The following DYSF variants were observed in gnomAD, a reference collection of about 807,000 sequenced individuals.
DYSF encodes the protein dystrophy-associated fer-1-like 1.
DYSF carries 212 observed loss-of-function variants against 274.9 expected under a neutral mutation model. The ratio of observed to expected loss-of-function variants is 0.77; its 90% CI spans 0.69 to 0.86. The LOEUF (loss-of-function observed/expected upper bound fraction) is 0.86, where lower values mean the gene tolerates loss of function less well. Among genes scored for constraint, DYSF ranks in the 40% least tolerant of loss-of-function variants. DYSF has a pLI of 0.00. For missense variants in DYSF, 2,666 were observed against 2,783.2 expected (o/e 0.96, Z 0.95); for synonymous variants, 1,091 against 1,078.7 (o/e 1.01, Z -0.22).
rs752476419 is a variant in DYSF at position 71,660,621 on chromosome 2, T to A, written c.4973T>A (p.Ile1658Asn). The A allele has an allele frequency of 1.9e-6, 3 of 1,613,936 alleles. No individual in the cohort carries two copies. The highest frequency in any genetic ancestry group is 2.5e-6 in the Non-Finnish European group (3 of 1,179,954). The stretch of plus-strand genomic sequence containing the variant: ...TCAGTGAGTGACCAGGATAACTACA[T>A]CCCCTGCACGCTGGAGCCCGTATTT... The part of the protein sequence containing the change: ...KKSVSDQDNY[I>N]PCTLEPVFGK... Residue 1658 changes from isoleucine (I) to asparagine (N), a missense_variant, in exon 45 of 56, where the codon ATC (isoleucine) becomes AAC (asparagine). By Grantham distance (149) the Ile-to-Asn change is moderately radical. Transcript: ENST00000410020.
chr2:71,560,417 G>GCCCCAGCACAGGGCTCCGGACCAGGCCCC (rs56170138), intron 22 of DYSF, among the ~76,000 whole-genome samples: 1 of 138,786 alleles, frequency 7.2e-6, no homozygotes, highest in Non-Finnish European at 1.5e-5. Flanking sequence ...TCCCAGGCAG[G>GCCCCAGCACAGGGCTCCGGACCAGGCCCC]CCCCCGCCCC....
chr2:71,676,802 T>G (rs2095229952), intron 52 of DYSF, among the ~76,000 whole-genome samples: 1 of 152,324 alleles, frequency 6.6e-6, no homozygotes. Flanking sequence ...ACATAACTTG[T>G]GTCTTTTGAA....
intron 14 of DYSF, 132 bp downstream of exon 14, chr2:71,528,533 G>A (rs2088244921): frequency 1.3e-6 from 1 of 767,792 alleles, no homozygotes; most frequent in Admixed American, 2.1e-5. Context: ...GGCTGATCCT[G>A]GTGCGTGGTG....
At chr2:71,614,656 G>T (rs1181541715) in intron 40 of DYSF, among the ~76,000 whole-genome samples, 1 of 152,178 alleles carries the variant, frequency 6.6e-6, no homozygotes, top group Non-Finnish European at 1.5e-5. Flanking sequence ...CCCAGGCTAA[G>T]CTCAGGGGAG....
chr2:71,524,093 C>T (rs1205378864), intron 12 of DYSF, among the ~76,000 whole-genome samples: 1 of 152,128 alleles, frequency 6.6e-6, no homozygotes, highest in Non-Finnish European at 1.5e-5. Context: ...TAGCCTTTTC[C>T]CCTGCTGGAA....
At chr2:71,560,694 C>T (rs988127899) in intron 22 of DYSF, among the ~76,000 whole-genome samples, 14 of 151,902 alleles carry the variant, frequency 9.2e-5, no homozygotes, top group Admixed American at 1.3e-4. Context: ...CGCTGCGCTC[C>T]GGCGGTAATT....
At position 71,598,603 on chromosome 2, in the gene DYSF, A is replaced by G. The variant is rs757123788; in HGVS notation, c.3614A>G (p.Lys1205Arg). Residue 1205 changes from lysine to arginine, a missense_variant, in exon 33 of 56, where the codon AAG becomes AGG. Transcript: ENST00000410020. The stretch of plus-strand genomic sequence containing the variant: ...GTCTCCTTCCTGCACCAGAGCCAGA[A>G]GACGGTGGTGGTGAAGAACACCCTT... ...AIVSFLHQSQ[K>R]TVVVKNTLNP... is the part of the protein sequence containing the mutation. 57 of 1,614,102 alleles carry G rather than the reference A, an allele frequency of 3.5e-5. 1 individual carries two copies. In the South Asian group the frequency reaches 6.1e-4, roughly 17 times the overall value.
At position 71,563,930 on chromosome 2, in the gene DYSF, G is replaced by A. The variant is rs1237134043; in HGVS notation, c.2410-128G>A. 4 of 1,335,016 alleles carry A rather than the reference G, an allele frequency of 3.0e-6. No homozygotes were observed. In the South Asian group the frequency reaches 3.7e-5, roughly 12 times the overall value. The allele number at this position is 1,335,016 out of a possible 1,614,324, so 82.7% of individuals were successfully genotyped here. A position where few individuals can be genotyped will look rare whatever the true frequency, so the allele number is the denominator to read the frequency against. ...CTGGGGGAAGGCCAGGGTGGACAGT[G>A]TGTGGGATGGAAGCTGGGAGAGGAG... On this transcript the variant is annotated intron_variant, in intron 23 of 55. Coordinates refer to ENST00000410020, the MANE Select transcript of DYSF (RefSeq NM_001130987.2).
intron 7 of DYSF, among the ~76,000 whole-genome samples, chr2:71,514,147 TAA>T (rs5832057): frequency 5.4e-4 from 68 of 125,126 alleles, no homozygotes; most frequent in Middle Eastern, 4.1e-3. Flanking sequence ...GTTTTGCGCT[TAA>T]AAAAAAAAAA....
chr2:71,638,943 T>C (rs980680492), intron 41 of DYSF, among the ~76,000 whole-genome samples: 10 of 152,222 alleles, frequency 6.6e-5, no homozygotes, highest in Non-Finnish European at 2.9e-5. Context: ...TTTTACATCC[T>C]CACCAGCAGT....
At chr2:71,548,701 C>T (rs902241903) in intron 17 of DYSF, among the ~76,000 whole-genome samples, 7 of 152,350 alleles carry the variant, frequency 4.6e-5, no homozygotes, top group Middle Eastern at 3.4e-3. Flanking sequence ...GCGTGTTCAG[C>T]TTGTGGACAG....
Position 71,570,343 on chromosome 2 carries a change from C to T in DYSF, c.3085+9C>T. 1 of 1,613,062 alleles carries T rather than the reference C, an allele frequency of 6.2e-7. No homozygotes were observed. Among genetic ancestry groups the T allele is most frequent in the African/African-American group, 1.3e-5 (1 of 74,984 alleles). On this transcript the variant is annotated intron_variant, in intron 28 of 55. Coordinates refer to ENST00000410020, the MANE Select transcript of DYSF (RefSeq NM_001130987.2). ...GGCTGTCGATGAGCAAGGTGGGCAG[C>T]ATGTGGAACCTGGCGAGCCCCATCC...
chr2:71,503,828 C>T (rs1380558576), intron 4 of DYSF, among the ~76,000 whole-genome samples: 1 of 152,334 alleles, frequency 6.6e-6, no homozygotes, highest in African/African-American at 2.4e-5. Flanking sequence ...TCTCAGTGCT[C>T]CCCCCAAGTC....
intron 42 of DYSF, among the ~76,000 whole-genome samples, chr2:71,651,048 G>A (rs553776523): frequency 6.6e-6 from 1 of 152,296 alleles, no homozygotes; most frequent in Non-Finnish European, 1.5e-5. Flanking sequence ...CAAGACATTA[G>A]TGAGCAGAGG....
intron 1 of DYSF, among the ~76,000 whole-genome samples, chr2:71,476,563 T>C (rs113442587): frequency 0.015 from 2,208 of 150,978 alleles, 37 homozygotes; most frequent in Non-Finnish European, 0.021. Context: ...AAAAAGGCCT[T>C]GGCACTAAAT....
intron 19 of DYSF, among the ~76,000 whole-genome samples, chr2:71,552,288 A>G (rs2091002885): frequency 2.0e-5 from 3 of 152,216 alleles, no homozygotes; most frequent in Admixed American, 2.0e-4. Flanking sequence ...TCTAGCACTT[A>G]CCGGCTGCAT....
At chr2:71,559,889 T>G (rs1237376967) in intron 22 of DYSF, among the ~76,000 whole-genome samples, 1 of 152,092 alleles carries the variant, frequency 6.6e-6, no homozygotes, top group Admixed American at 6.5e-5. Flanking sequence ...TCACTAGGAG[T>G]GAAATGAATG....
intron 41 of DYSF, among the ~76,000 whole-genome samples, chr2:71,621,638 G>A (rs1488874408): frequency 6.7e-6 from 1 of 150,374 alleles, no homozygotes; most frequent in African/African-American, 2.4e-5. Flanking sequence ...TATAATATAT[G>A]TATAATATGT....
intron 30 of DYSF, among the ~76,000 whole-genome samples, chr2:71,577,305 A>AAC (rs914096665): frequency 2.0e-5 from 3 of 150,298 alleles, no homozygotes; most frequent in Non-Finnish European, 4.4e-5. Context: ...CTGTTACACG[A>AAC]ACACACACAC....
Sources: allele counts gnomAD v4.1 joint callset (sites outside exome capture counted in the v4.1 genomes callset), GRCh38; gene constraint gnomAD v4.1.1; transcripts MANE v1.5; gene names NCBI Gene and HGNC (gene_info 2026-07-23, HGNC 2026-07-21).